The following MGAT4C variants were observed in gnomAD, a reference collection of about 807,000 sequenced individuals.
MGAT4C encodes the protein MGAT4 family member C.
A neutral mutation model predicts 40.1 loss-of-function variants in MGAT4C; 19 were observed. The ratio of observed to expected loss-of-function variants is 0.47; its 90% CI spans 0.33 to 0.70. MGAT4C has a LOEUF of 0.70. Among genes scored for constraint, MGAT4C ranks in the 30% least tolerant of loss-of-function variants. The pLI is 0.02. For missense variants in MGAT4C, 491 were observed against 563.2 expected, an observed-to-expected ratio of 0.87 and a Z score of 1.30; for synonymous variants, 181 against 187.1, an observed-to-expected ratio of 0.97 and a Z score of 0.27.
chr12:86,716,672 T>C (rs1453625132), intron 2 of MGAT4C, among the ~76,000 whole-genome samples: 1 of 152,130 alleles, frequency 6.6e-6, no homozygotes, highest in African/African-American at 2.4e-5. Context: ...CTTTAATATA[T>C]TTGAATGCTC....
rs113379185 is a variant in MGAT4C, at chr12:86,436,160, G to A, written c.-228-895C>T. ...TACGAAAAATATGAATTAACTGGATGGAGAGATTTTTTCTTTTTGCATTTT... is the reference window on the plus strand; with the variant it reads ...TACGAAAAATATGAATTAACTGGATAGAGAGATTTTTTCTTTTTGCATTTT... On this transcript the variant is annotated intron_variant, in intron 2 of 7. Transcript: ENST00000548651. Among the ~76,000 whole-genome samples the A allele has an allele frequency of 6.5e-3, 989 of 151,840 alleles. 11 individuals are homozygous for A. Among genetic ancestry groups the A allele is most frequent in the African/African-American group, 0.023 (947 of 41,500 alleles).
intron 2 of MGAT4C, among the ~76,000 whole-genome samples, chr12:86,463,674 T>C (rs999069202): frequency 4.6e-5 from 7 of 152,152 alleles, no homozygotes; most frequent in African/African-American, 1.7e-4. Context: ...TCATTTTTAT[T>C]TGTTTTAATT....
At chr12:86,326,296 T>TCACA (rs3047013) in intron 4 of MGAT4C, among the ~76,000 whole-genome samples, 4,029 of 140,786 alleles carry the variant, frequency 0.029, 131 homozygotes, top group African/African-American at 0.082. Context: ...AGTATTCTCA[T>TCACA]CACACACACA....
intron 1 of MGAT4C, among the ~76,000 whole-genome samples, chr12:86,076,917 C>T (rs1290847821): frequency 6.6e-6 from 1 of 152,166 alleles, no homozygotes; most frequent in Non-Finnish European, 1.5e-5. Flanking sequence ...AACTGAAGAA[C>T]ATGGAGTCCA....
intron 1 of MGAT4C, among the ~76,000 whole-genome samples, chr12:86,755,657 T>G (rs1951293075): frequency 1.3e-5 from 2 of 151,442 alleles, no homozygotes; most frequent in Admixed American, 6.6e-5. Flanking sequence ...CTACCTTCCT[T>G]TCTTTTCTTT....
intron 1 of MGAT4C, among the ~76,000 whole-genome samples, chr12:86,125,096 C>T (rs1880032301): frequency 6.6e-6 from 1 of 152,240 alleles, no homozygotes; most frequent in South Asian, 2.1e-4. Flanking sequence ...GACTAAACCT[C>T]AATAACTATC....
chr12:86,804,539 A>G (rs1174936794), intron 1 of MGAT4C, among the ~76,000 whole-genome samples: 2 of 151,956 alleles, frequency 1.3e-5, no homozygotes. Flanking sequence ...TAAGTGCTAT[A>G]TTGTAATTGA....
intron 1 of MGAT4C, among the ~76,000 whole-genome samples, chr12:86,150,230 C>T (rs1884106081): frequency 6.6e-6 from 1 of 152,192 alleles, no homozygotes; most frequent in South Asian, 2.1e-4. Context: ...CAGTAAAGCT[C>T]ATTCACCCTC....
chr12:86,304,328 T>C (rs1320945851), intron 4 of MGAT4C, among the ~76,000 whole-genome samples: 1 of 150,654 alleles, frequency 6.6e-6, no homozygotes, highest in Non-Finnish European at 1.5e-5. Flanking sequence ...AACAAGTTGT[T>C]GTTATTTTTG....
At chr12:86,556,879 A>C (rs1315637942) in intron 2 of MGAT4C, among the ~76,000 whole-genome samples, 1 of 152,176 alleles carries the variant, frequency 6.6e-6, no homozygotes, top group African/African-American at 2.4e-5. Flanking sequence ...ACGTTACATT[A>C]ATATTATAAG....
intron 2 of MGAT4C, among the ~76,000 whole-genome samples, chr12:86,488,444 A>C: frequency 6.6e-6 from 1 of 151,638 alleles, no homozygotes; most frequent in East Asian, 1.9e-4. Flanking sequence ...AAAAACAAAA[A>C]ACCCAAAATG....
At chr12:86,640,645 C>A (rs958955430) in intron 2 of MGAT4C, among the ~76,000 whole-genome samples, 9 of 151,948 alleles carry the variant, frequency 5.9e-5, no homozygotes, top group East Asian at 5.8e-4. Context: ...CTTCTGCTAG[C>A]TTTTGAATGT....
chr12:86,435,485 C>A (rs1351486017), intron 2 of MGAT4C, among the ~76,000 whole-genome samples: 2 of 151,638 alleles, frequency 1.3e-5, no homozygotes, highest in Non-Finnish European at 2.9e-5. Context: ...AGTTCTATTA[C>A]CATGTCTGAA....
chr12:86,346,117 C>G (rs1414397300), intron 3 of MGAT4C, among the ~76,000 whole-genome samples: 4 of 152,012 alleles, frequency 2.6e-5, no homozygotes, highest in African/African-American at 9.7e-5. Context: ...TAAATTGTGC[C>G]CACTATTTTA....
At chr12:86,823,766 C>A (rs2136229155) in intron 1 of MGAT4C, among the ~76,000 whole-genome samples, 1 of 151,004 alleles carries the variant, frequency 6.6e-6, no homozygotes, top group Middle Eastern at 3.4e-3. Flanking sequence ...AGAAAGAAAA[C>A]ATTTTATCCA....
At chr12:86,549,328 A>C (rs960936785) in intron 2 of MGAT4C, among the ~76,000 whole-genome samples, 2 of 152,164 alleles carry the variant, frequency 1.3e-5, no homozygotes, top group African/African-American at 4.8e-5. Flanking sequence ...TCTGACTGCC[A>C]ATGTTTCATC....
intron 3 of MGAT4C, among the ~76,000 whole-genome samples, chr12:86,405,681 G>T (rs564057107): frequency 6.6e-6 from 1 of 151,420 alleles, no homozygotes; most frequent in Non-Finnish European, 1.5e-5. Flanking sequence ...TAAACAAATA[G>T]GTAGAATCAG....
intron 1 of MGAT4C, among the ~76,000 whole-genome samples, chr12:86,112,922 T>C (rs1441910439): frequency 6.6e-6 from 1 of 151,768 alleles, no homozygotes; most frequent in Non-Finnish European, 1.5e-5. Context: ...TGGAAGCCAG[T>C]GAAATTCTAG....
intron 1 of MGAT4C, among the ~76,000 whole-genome samples, chr12:86,758,195 G>A (rs977070885): frequency 6.6e-6 from 1 of 151,850 alleles, no homozygotes; most frequent in African/African-American, 2.4e-5. Context: ...GCCTTACACT[G>A]GTGTCACAAA....
Sources: gnomAD v4.1 joint callset for allele counts (sites outside exome capture counted in the v4.1 genomes callset) on GRCh38, gnomAD v4.1.1 for gene constraint, MANE v1.5 for transcripts, NCBI Gene and HGNC (gene_info 2026-07-23, HGNC 2026-07-21) for gene names.